BAX: variants seen among roughly 807,000 people sequenced by gnomAD.
BAX encodes the protein apoptosis regulator BAX.
BAX carries 21 observed loss-of-function variants against 26.8 expected under a neutral mutation model. That is an observed-to-expected ratio of 0.78 (90% CI 0.56 to 1.13). BAX has a LOEUF of 1.13. BAX is among the 50% of genes most tolerant of loss of function. The pLI, the probability that BAX is intolerant of heterozygous loss-of-function variation, is 0.00. For synonymous variants in BAX, 110 were observed against 101.8 expected (o/e 1.08, Z -0.49); for missense variants, 236 against 254.6 (o/e 0.93, Z 0.50).
intron 4 of BAX, among the ~76,000 whole-genome samples, chr19:48,957,074 G>T (rs542158098): frequency 6.6e-6 from 1 of 150,418 alleles, no homozygotes; most frequent in South Asian, 2.1e-4. Context: ...TCGGGGGGAA[G>T]AGGCATCTGG....
chr19:48,960,749 C>G lies in BAX; in HGVS notation c.370-61C>G, dbSNP rs998145625. The G allele has an allele frequency of 2.9e-6, 4 of 1,383,208 alleles. No homozygotes were observed. The African/African-American group carries it at 5.7e-5, about 20-fold the overall frequency. 85.7% of individuals were successfully genotyped at this position (1,383,208 alleles called of 1,614,324 possible). A position where few individuals can be genotyped will look rare whatever the true frequency, so the allele number is the denominator to read the frequency against. On this transcript the variant is annotated intron_variant, in intron 4 of 5. Transcript: ENST00000345358. ...AAGAATTGACAAAGGAGGTTTGGGG[C>G]CACTATCTCCAGGCAGTGGGGACAA...
At chr19:48,960,337 G>T in intron 4 of BAX, 2 of 370,176 alleles carry the variant, frequency 5.4e-6, no homozygotes, top group South Asian at 1.8e-5. Context: ...GGGATTACAG[G>T]TGCCTGCCAC....
chr19:48,959,439 G>T (rs2038267352), intron 4 of BAX, among the ~76,000 whole-genome samples: 1 of 150,490 alleles, frequency 6.6e-6, no homozygotes, highest in Non-Finnish European at 1.5e-5. Context: ...CTTCGTCGAG[G>T]CCTGTTTAGG....
At chr19:48,956,093 G>A in intron 3 of BAX, 105 bp from the exon 4 acceptor site, 1 of 1,375,776 alleles carries the variant, frequency 7.3e-7, no homozygotes, top group Non-Finnish European at 9.6e-7. Flanking sequence ...ATTTCAGCCT[G>A]GCTTGGGGCT....
chr19:48,960,588 C>G (rs1363970528), intron 4 of BAX, among the ~76,000 whole-genome samples: 2 of 152,248 alleles, frequency 1.3e-5, no homozygotes, highest in Admixed American at 1.3e-4. Flanking sequence ...GTCTTGAACT[C>G]CCGACCTCAA....
chr19:48,955,404 GC>G (rs922778259), intron 1 of BAX, 143 bp from the exon 2 acceptor site: 112 of 885,068 alleles, frequency 1.3e-4, no homozygotes, highest in Non-Finnish European at 1.7e-4. Context: ...AGTTGTCTGG[GC>G]CCCCCCGTCA....
chr19:48,955,062 G>T, intron 1 of BAX, 100 bp downstream of exon 1: 17 of 1,215,356 alleles, frequency 1.4e-5, no homozygotes, highest in Non-Finnish European at 1.8e-5. Flanking sequence ...TCCAAGCACT[G>T]AGGGGCAGAA....
At position 48,957,109 on chromosome 19, in the gene BAX, C is replaced by G. The variant is rs546021039; in HGVS notation, c.369+776C>G. ...GTAGAGGGAACAGCAAGTGCAAAGG[C>G]CCTGAGGTAGGACCAAGCCTCATCT... On this transcript the variant is annotated intron_variant, in intron 4 of 5. Coordinates refer to ENST00000345358, the MANE Select transcript of BAX (RefSeq NM_138761.4). Among the ~76,000 whole-genome samples the G allele has an allele frequency of 1.6e-3, 241 of 150,408 alleles. 6 individuals are homozygous for G. Among genetic ancestry groups the G allele is most frequent in the African/African-American group, 5.8e-3 (238 of 41,162 alleles).
intron 4 of BAX, among the ~76,000 whole-genome samples, chr19:48,960,062 C>T (rs1319413959): frequency 9.9e-5 from 15 of 151,326 alleles, no homozygotes; most frequent in Non-Finnish European, 1.5e-5. Flanking sequence ...GAGGTCAGGC[C>T]AAAGCCTGCA....
intron 5 of BAX, chr19:48,961,138 C>G (rs1431698568): frequency 6.5e-7 from 1 of 1,545,918 alleles, no homozygotes; most frequent in African/African-American, 1.4e-5. Flanking sequence ...TCCCAGTGAC[C>G]CCTGACCTCA....
At chr19:48,955,937 C>T (rs528977313) in intron 3 of BAX, 104 bp downstream of exon 3, 4 of 1,386,034 alleles carry the variant, frequency 2.9e-6, no homozygotes, top group Non-Finnish European at 3.8e-6. Flanking sequence ...GGAGTCTGGG[C>T]CCCACAACTC....
rs777326329 is a variant in BAX at position 48,956,211 on chromosome 19, G to A, written c.247G>A (p.Val83Met). The change falls in exon 4 of 6, where the codon GTG (valine) becomes ATG (methionine). Residue 83 changes from valine to methionine, a missense_variant. Val to Met is a conservative substitution (Grantham distance 21, BLOSUM62 1). Coordinates refer to ENST00000345358, the MANE Select transcript of BAX (RefSeq NM_138761.4). ...TCTCTCCTGCAGGATGATTGCCGCC[G>A]TGGACACAGACTCCCCCCGAGAGGT... is the stretch of plus-strand genomic sequence containing the variant. ...NMELQRMIAA[V>M]DTDSPREVFF... 220 of 1,541,606 alleles carry A rather than the reference G, an allele frequency of 1.4e-4. No homozygotes were observed. Among genetic ancestry groups the A allele is most frequent in the Non-Finnish European group, 1.8e-4 (208 of 1,144,204 alleles).
chr19:48,955,703 G>T lies in BAX; in HGVS notation c.103G>T (p.Ala35Ser), dbSNP rs750670287. The change falls in exon 3 of 6, where the codon GCA (alanine) becomes TCA (serine). Residue 35 changes from alanine to serine, a missense_variant. Physicochemically the swap from Ala to Ser is moderately conservative, Grantham distance 99 (BLOSUM62 1). Coordinates refer to ENST00000345358, the MANE Select transcript of BAX (RefSeq NM_138761.4). The part of the protein sequence containing the change: ...LLLQGFIQDR[A>S]GRMGGEAPEL... The stretch of plus-strand genomic sequence containing the variant: ...CCACTCTAGTTTCATCCAGGATCGA[G>T]CAGGGCGAATGGGGGGGGAGGCACC... The T allele has an allele frequency of 6.2e-7, 1 of 1,612,724 alleles. No homozygotes were observed. Among genetic ancestry groups the T allele is most frequent in the Non-Finnish European group, 8.5e-7 (1 of 1,179,190 alleles).
chr19:48,960,212 G>T, intron 4 of BAX: 1 of 443,892 alleles, frequency 2.3e-6, no homozygotes, highest in Admixed American at 2.5e-5. Flanking sequence ...TTTATTTTTT[G>T]AGACGGATTC....
chr19:48,957,990 A>G (rs2038204420), intron 4 of BAX, among the ~76,000 whole-genome samples: 1 of 152,134 alleles, frequency 6.6e-6, no homozygotes, highest in South Asian at 2.1e-4. Flanking sequence ...AAAAGAGATC[A>G]TGAGGCACAA....
intron 4 of BAX, among the ~76,000 whole-genome samples, chr19:48,958,637 G>C (rs2038230391): frequency 6.6e-6 from 1 of 151,674 alleles, no homozygotes; most frequent in African/African-American, 2.4e-5. Context: ...TCCACCTCCT[G>C]GGTTTAAGCG....
rs2038075123 is a variant in BAX at position 48,955,212 on chromosome 19, C to CG, written c.34+253dup. 13 of 438,958 alleles carry CG rather than the reference C, an allele frequency of 3.0e-5. No individual in the cohort carries two copies. In the South Asian group the frequency reaches 3.5e-4, roughly 12 times the overall value. The allele number at this position is 438,958 out of a possible 1,614,324, so 27.2% of individuals were successfully genotyped here. On this transcript the variant is annotated intron_variant, in intron 1 of 5. Transcript: ENST00000345358. ...CAGGGGATCTCGGAAGCCAAGCCCCCGGGCAGGCCCGGGCTTGTCGCCCGC... is the reference window on the plus strand; with the variant it reads ...CAGGGGATCTCGGAAGCCAAGCCCCCGGGGCAGGCCCGGGCTTGTCGCCCGC...
chr19:48,960,707 A>G, intron 4 of BAX, 103 bp from the exon 5 acceptor site: 2 of 1,055,652 alleles, frequency 1.9e-6, no homozygotes, highest in Non-Finnish European at 2.8e-6. Context: ...GGTGGCAGAA[A>G]TCTTTGAGGG....
chr19:48,955,121 GTTCCT>G, intron 1 of BAX, 159 bp downstream of exon 1: 3 of 892,824 alleles, frequency 3.4e-6, no homozygotes, highest in Non-Finnish European at 4.4e-6. Flanking sequence ...GTCCTCGGAG[GTTCCT>G]GGCTCTCTGA....
Sources: gnomAD v4.1 joint callset for allele counts (sites outside exome capture counted in the v4.1 genomes callset) on GRCh38, gnomAD v4.1.1 for gene constraint, MANE v1.5 for transcripts, NCBI Gene and HGNC (gene_info 2026-07-23, HGNC 2026-07-21) for gene names.